The following SGCZ variants were observed in gnomAD, a reference collection of about 807,000 sequenced individuals.
The protein encoded by SGCZ is zeta-sarcoglycan.
In SGCZ, 40 loss-of-function variants were observed where a neutral mutation model predicts 41.3. That is an observed-to-expected ratio of 0.97 (90% CI 0.75 to 1.26). SGCZ has a LOEUF of 1.26. Ranked by LOEUF, SGCZ falls within the 50% of genes most tolerant of loss-of-function variation. The pLI is 0.00. For missense variants in SGCZ, 552 were observed against 369.8 expected (o/e 1.49, Z -4.04); for synonymous variants, 206 against 137.5 (o/e 1.50, Z -3.49).
intron 3 of SGCZ, among the ~76,000 whole-genome samples, chr8:14,289,552 C>G (rs1800769419): frequency 6.6e-6 from 1 of 152,012 alleles, no homozygotes; most frequent in Admixed American, 6.6e-5. Flanking sequence ...AATCCTTATA[C>G]TCTTGTCAAA....
chr8:14,238,746 T>TG (rs963808557), intron 3 of SGCZ, among the ~76,000 whole-genome samples: 146 of 151,724 alleles, frequency 9.6e-4, no homozygotes, highest in African/African-American at 2.9e-3. Context: ...TATAATGTTC[T>TG]GGGGGGGGAC....
intron 1 of SGCZ, among the ~76,000 whole-genome samples, chr8:14,965,032 C>G (rs1180217922): frequency 5.3e-5 from 8 of 152,052 alleles, no homozygotes; most frequent in African/African-American, 1.9e-4. Flanking sequence ...ATTTGTGTCC[C>G]CCATTCCCGA....
intron 1 of SGCZ, among the ~76,000 whole-genome samples, chr8:14,611,122 CTAT>C (rs2117339762): frequency 6.6e-6 from 1 of 152,158 alleles, no homozygotes; most frequent in East Asian, 1.9e-4. Flanking sequence ...TCTAAAATGT[CTAT>C]TTTCTTTTCT....
chr8:15,098,081 T>C (rs1186434510), intron 1 of SGCZ, among the ~76,000 whole-genome samples: 1 of 151,596 alleles, frequency 6.6e-6, no homozygotes, highest in Non-Finnish European at 1.5e-5. Context: ...GTCTATAGCC[T>C]TGAATATGAA....
intron 1 of SGCZ, among the ~76,000 whole-genome samples, chr8:15,112,448 G>T (rs1563132523): frequency 1.3e-5 from 2 of 152,154 alleles, no homozygotes; most frequent in Non-Finnish European, 2.9e-5. Context: ...GAATAGCTTT[G>T]ATCTTATGCT....
In SGCZ at chr8:14,746,405, G is replaced by C. The variant is rs375828735; in HGVS notation, c.40-191479C>G. On this transcript the variant is annotated intron_variant, in intron 1 of 7. Transcript: ENST00000382080. ...AATAATAATAGACAAGTCCACTATTGCATTTAGTAGTAAAAAACAATATAG... is the reference window on the plus strand; with the variant it reads ...AATAATAATAGACAAGTCCACTATTCCATTTAGTAGTAAAAAACAATATAG... Among the ~76,000 whole-genome samples, 23 of 152,174 alleles carry C rather than the reference G, an allele frequency of 1.5e-4. 1 individual carries two copies. The highest frequency in any genetic ancestry group is 1.1e-3 in the Admixed American group (17 of 15,270).
intron 2 of SGCZ, among the ~76,000 whole-genome samples, chr8:14,534,907 A>G (rs1803248182): frequency 6.6e-6 from 1 of 152,030 alleles, no homozygotes; most frequent in South Asian, 2.1e-4. Flanking sequence ...AGTTTCTCAG[A>G]TCAACATTAC....
intron 1 of SGCZ, among the ~76,000 whole-genome samples, chr8:14,996,382 G>A (rs1420382098): frequency 6.6e-6 from 1 of 152,174 alleles, no homozygotes; most frequent in Non-Finnish European, 1.5e-5. Flanking sequence ...TGTTGTAGCA[G>A]CCTGATGATA....
At chr8:14,102,540 AC>A in intron 6 of SGCZ, 41 bp from the exon 7 acceptor site, 1 of 1,328,000 alleles carries the variant, frequency 7.5e-7, no homozygotes, top group Non-Finnish European at 9.7e-7. Flanking sequence ...AAAAAAAAAC[AC>A]AAAAAAATCA....
intron 2 of SGCZ, among the ~76,000 whole-genome samples, chr8:14,441,494 G>T (rs971186517): frequency 1.3e-5 from 2 of 152,198 alleles, no homozygotes; most frequent in Non-Finnish European, 1.5e-5. Flanking sequence ...AACATCACTT[G>T]AACCTGGGAG....
chr8:14,898,484 G>A (rs1359035900), intron 1 of SGCZ, among the ~76,000 whole-genome samples: 1 of 152,176 alleles, frequency 6.6e-6, no homozygotes, highest in South Asian at 2.1e-4. Context: ...AAGATATTGG[G>A]CCAGGGACTG....
chr8:14,271,808 C>T (rs28493219), intron 3 of SGCZ, among the ~76,000 whole-genome samples: 4,780 of 152,168 alleles, frequency 0.031, 91 homozygotes, highest in African/African-American at 0.051. Flanking sequence ...GGCATTTTTG[C>T]TTTGTAGAAA....
intron 2 of SGCZ, among the ~76,000 whole-genome samples, chr8:14,476,024 C>G (rs958849587): frequency 2.6e-5 from 4 of 151,334 alleles, no homozygotes; most frequent in African/African-American, 4.9e-5. Context: ...CCTGGTTGAT[C>G]TTGGCTCCTG....
intron 1 of SGCZ, among the ~76,000 whole-genome samples, chr8:14,606,817 T>C (rs1002738573): frequency 6.6e-6 from 1 of 152,180 alleles, no homozygotes; most frequent in African/African-American, 2.4e-5. Flanking sequence ...GTTGCTGTTA[T>C]TGCTATCTTT....
chr8:14,227,109 TA>T (rs777692564), intron 4 of SGCZ, among the ~76,000 whole-genome samples: 8 of 152,174 alleles, frequency 5.3e-5, no homozygotes, highest in Non-Finnish European at 8.8e-5. Context: ...GGTGGAATCA[TA>T]AGGACCTCTG....
intron 6 of SGCZ, among the ~76,000 whole-genome samples, chr8:14,103,906 G>C (rs1224753130): frequency 6.6e-6 from 1 of 152,076 alleles, no homozygotes; most frequent in African/African-American, 2.4e-5. Context: ...GTCAAAATTT[G>C]AATGTTAAAA....
At chr8:14,305,419 G>A (rs1563246932) in intron 3 of SGCZ, among the ~76,000 whole-genome samples, 1 of 152,098 alleles carries the variant, frequency 6.6e-6, no homozygotes, top group African/African-American at 2.4e-5. Flanking sequence ...AAATCTCAAT[G>A]AGGTTTCATG....
chr8:14,707,721 A>G (rs1423453157), intron 1 of SGCZ, among the ~76,000 whole-genome samples: 1 of 152,132 alleles, frequency 6.6e-6, no homozygotes, highest in Non-Finnish European at 1.5e-5. Flanking sequence ...AAAATGAACA[A>G]TTGTTAGAAA....
At position 15,045,388 on chromosome 8, in the gene SGCZ, A is replaced by T. The variant is rs531364264; in HGVS notation, c.39+192197T>A. On this transcript the variant is annotated intron_variant, in intron 1 of 7. Coordinates refer to ENST00000382080, the MANE Select transcript of SGCZ (RefSeq NM_139167.4). ...AAGCAATTAAAATAATATTTTATAGACAGGTGCAAAGGCAAATGGATATGA... is the reference window on the plus strand; with the variant it reads ...AAGCAATTAAAATAATATTTTATAGTCAGGTGCAAAGGCAAATGGATATGA... Among the ~76,000 whole-genome samples, 271 of 152,208 alleles carry T rather than the reference A, an allele frequency of 1.8e-3. 1 individual carries two copies. The highest frequency in any genetic ancestry group is 0.012 in the South Asian group (58 of 4,828).
Sources: allele counts gnomAD v4.1 joint callset (sites outside exome capture counted in the v4.1 genomes callset), GRCh38; gene constraint gnomAD v4.1.1; transcripts MANE v1.5; gene names NCBI Gene and HGNC (gene_info 2026-07-23, HGNC 2026-07-21).